RFC3: variants seen among roughly 807,000 people sequenced by gnomAD.
RFC3 encodes A1 38 kDa subunit.
A neutral mutation model predicts 45.1 loss-of-function variants in RFC3; 41 were observed. The ratio of observed to expected loss-of-function variants is 0.91; its 90% CI spans 0.71 to 1.18. The LOEUF (loss-of-function observed/expected upper bound fraction) is 1.18, where lower values mean the gene tolerates loss of function less well. Ranked by LOEUF, RFC3 falls within the 50% of genes most tolerant of loss-of-function variation. The probability of loss-of-function intolerance (pLI) is 0.00; values close to 1 mark genes in which losing one functional copy is unlikely to be tolerated. For missense variants in RFC3, 423 were observed against 428.1 expected (o/e 0.99, Z 0.10); for synonymous variants, 149 against 144.0 (o/e 1.03, Z -0.25).
chr13:33,866,631 G>A (rs870653), intron 8 of RFC3, among the ~76,000 whole-genome samples: 116,973 of 152,126 alleles, frequency 0.77, 47,426 homozygotes, highest in Non-Finnish European at 0.92. Context: ...AGCCCCCTCA[G>A]AAAAGGCCCG....
intron 8 of RFC3, among the ~76,000 whole-genome samples, chr13:33,942,345 A>T (rs1342760172): frequency 6.6e-6 from 1 of 152,100 alleles, no homozygotes; most frequent in Non-Finnish European, 1.5e-5. Flanking sequence ...TTACGAGTAC[A>T]TAATGGTTGT....
intron 8 of RFC3, among the ~76,000 whole-genome samples, chr13:33,927,181 C>T (rs1011635665): frequency 6.6e-5 from 10 of 151,536 alleles, no homozygotes; most frequent in Admixed American, 1.3e-4. Context: ...AAGAGGGCAC[C>T]TGATGTTCAC....
chr13:33,908,451 C>T (rs570279483), intron 8 of RFC3, among the ~76,000 whole-genome samples: 2 of 152,030 alleles, frequency 1.3e-5, no homozygotes, highest in South Asian at 4.2e-4. Context: ...AAAGCTTGAA[C>T]CCTAGTTCTC....
chr13:33,855,822 TG>T (rs1372052668), intron 8 of RFC3, among the ~76,000 whole-genome samples: 1 of 152,184 alleles, frequency 6.6e-6, no homozygotes, highest in Non-Finnish European at 1.5e-5. Context: ...TTAATGAGCT[TG>T]TTTTTGTCTT....
intron 8 of RFC3, among the ~76,000 whole-genome samples, chr13:33,943,279 T>G (rs1413584122): frequency 1.3e-5 from 2 of 152,178 alleles, no homozygotes; most frequent in African/African-American, 4.8e-5. Flanking sequence ...TAACACGGCA[T>G]AAGGTATGTA....
At chr13:33,892,883 C>T (rs1389542487) in intron 8 of RFC3, among the ~76,000 whole-genome samples, 1 of 152,092 alleles carries the variant, frequency 6.6e-6, no homozygotes, top group African/African-American at 2.4e-5. Context: ...TGGTAATGCC[C>T]CTTCTGTCCA....
intron 8 of RFC3, among the ~76,000 whole-genome samples, chr13:33,882,446 A>G (rs1281303502): frequency 6.6e-6 from 1 of 152,120 alleles, no homozygotes. Context: ...TGGTGTTTGG[A>G]GATGAGGCCT....
chr13:33,829,833 C>G lies in RFC3; in HGVS notation c.392-3C>G. 6.2e-7 allele frequency: 1 copy of G among 1,612,766 alleles called. No individual in the cohort carries two copies. Among genetic ancestry groups the G allele is most frequent in the South Asian group, 1.1e-5 (1 of 91,046 alleles). On this transcript the variant is annotated splice_polypyrimidine_tract_variant and splice_region_variant and intron_variant, in intron 4 of 8. Coordinates refer to ENST00000380071, the MANE Select transcript of RFC3 (RefSeq NM_002915.4). The stretch of plus-strand genomic sequence containing the variant: ...AAGTTTGTTTTGTTTCTCTTTGACT[C>G]AGTGGTATTATTGACAGAAGTTGAC...
chr13:33,889,364 T>G (rs1258717053), intron 8 of RFC3, among the ~76,000 whole-genome samples: 1 of 152,204 alleles, frequency 6.6e-6, no homozygotes, highest in Non-Finnish European at 1.5e-5. Context: ...ATTAAAAAAT[T>G]TGCCAATTGA....
At chr13:33,880,648 T>C (rs1041446262) in intron 8 of RFC3, among the ~76,000 whole-genome samples, 2 of 152,234 alleles carry the variant, frequency 1.3e-5, no homozygotes, top group Non-Finnish European at 2.9e-5. Flanking sequence ...TAGTGGCTAC[T>C]GTATTGCACA....
intron 8 of RFC3, among the ~76,000 whole-genome samples, chr13:33,921,313 T>C (rs1217328239): frequency 6.6e-6 from 1 of 152,126 alleles, no homozygotes; most frequent in Non-Finnish European, 1.5e-5. Context: ...TAAGTGGAGC[T>C]TGGGACTGCC....
intron 8 of RFC3, among the ~76,000 whole-genome samples, chr13:33,931,654 G>A (rs1173936316): frequency 6.9e-6 from 1 of 144,564 alleles, no homozygotes; most frequent in Non-Finnish European, 1.5e-5. Context: ...TGTGTATAAG[G>A]TACATGACCA....
chr13:33,910,850 T>C (rs1295206928), intron 8 of RFC3, among the ~76,000 whole-genome samples: 2 of 151,894 alleles, frequency 1.3e-5, no homozygotes, highest in Non-Finnish European at 2.9e-5. Flanking sequence ...CTTACAATCA[T>C]GGTGGAAGGC....
At chr13:33,823,799 G>A in intron 2 of RFC3, 118 bp from the exon 3 acceptor site, 1 of 536,716 alleles carries the variant, frequency 1.9e-6, no homozygotes, top group Non-Finnish European at 3.3e-6. Flanking sequence ...GTTAAAACAT[G>A]AATGGTGGTT....
At chr13:33,841,675 T>C (rs989478645), downstream of RFC3, among the ~76,000 whole-genome samples, 29 of 152,218 alleles carry the variant, frequency 1.9e-4, no homozygotes, top group Middle Eastern at 3.2e-3. Flanking sequence ...TTTGACTGCA[T>C]AGGGGTCTAT....
At chr13:33,966,947 A>G (rs536381698), downstream of RFC3, among the ~76,000 whole-genome samples, 2 of 152,258 alleles carry the variant, frequency 1.3e-5, no homozygotes, top group Admixed American at 1.3e-4. Context: ...ACCTGAGCTC[A>G]GGAGTTCAAG....
intron 8 of RFC3, among the ~76,000 whole-genome samples, chr13:33,863,000 A>G (rs1386867187): frequency 6.6e-6 from 1 of 152,168 alleles, no homozygotes; most frequent in Non-Finnish European, 1.5e-5. Flanking sequence ...TTCTAAGAAA[A>G]GTTGTGAAAA....
chr13:33,818,608 C>A (rs1302326155), intron 1 of RFC3, among the ~76,000 whole-genome samples: 6 of 152,222 alleles, frequency 3.9e-5, no homozygotes, highest in Non-Finnish European at 8.8e-5. Flanking sequence ...AGGAGGCCGG[C>A]GTAGCCGATA....
chr13:33,946,510 T>A (rs1260484156), intron 8 of RFC3, among the ~76,000 whole-genome samples: 4 of 152,204 alleles, frequency 2.6e-5, no homozygotes, highest in Non-Finnish European at 5.9e-5. Flanking sequence ...TTATTTCATT[T>A]AAATACAAAA....
Sources: gnomAD v4.1 joint callset for allele counts (sites outside exome capture counted in the v4.1 genomes callset) on GRCh38, gnomAD v4.1.1 for gene constraint, MANE v1.5 for transcripts, NCBI Gene and HGNC (gene_info 2026-07-23, HGNC 2026-07-21) for gene names.